APOBEC2: variants seen among roughly 807,000 people sequenced by gnomAD.
APOBEC2 encodes the protein C->U-editing enzyme APOBEC-2.
APOBEC2 carries 14 observed loss-of-function variants against 19.4 expected under a neutral mutation model. That is an observed-to-expected ratio of 0.72 (90% CI 0.48 to 1.13). The LOEUF is 1.13. Among genes scored for constraint, APOBEC2 ranks in the 50% most tolerant of loss-of-function variants. APOBEC2 has a pLI of 0.00. For missense variants in APOBEC2, 304 were observed against 277.0 expected, an observed-to-expected ratio of 1.10 and a Z score of -0.69; for synonymous variants, 127 against 112.1, an observed-to-expected ratio of 1.13 and a Z score of -0.84.
intron 1 of APOBEC2, among the ~76,000 whole-genome samples, chr6:41,058,721 T>C (rs1317196641): frequency 1.3e-5 from 2 of 152,184 alleles, no homozygotes; most frequent in East Asian, 1.9e-4. Flanking sequence ...GACGTAGCTA[T>C]TTCGGTCTGT....
At chr6:41,058,292 A>C (rs948806396) in intron 1 of APOBEC2, among the ~76,000 whole-genome samples, 15 of 148,490 alleles carry the variant, frequency 1.0e-4, no homozygotes, top group East Asian at 2.0e-4. Flanking sequence ...ACACCCACAC[A>C]CACACACACA....
rs2114033443 is a variant in APOBEC2, at chr6:41,064,175, T to C, written c.*96T>C. ...GACATGCCTGTCTTCCTAATACCATTTGGAGCTGGACAACATTTGACACCA... is the reference window on the plus strand; with the variant it reads ...GACATGCCTGTCTTCCTAATACCATCTGGAGCTGGACAACATTTGACACCA... On this transcript the variant is annotated 3_prime_UTR_variant, in exon 3 of 3. Coordinates refer to ENST00000244669, the MANE Select transcript of APOBEC2 (RefSeq NM_006789.4). The C allele has an allele frequency of 6.6e-6, 1 of 152,618 alleles. No individual in the cohort carries two copies. Among genetic ancestry groups the C allele is most frequent in the Admixed American group, 6.5e-5 (1 of 15,278 alleles). The allele number at this position is 152,618 out of a possible 1,614,324, so 9.5% of individuals were successfully genotyped here. A position where few individuals can be genotyped will look rare whatever the true frequency, so the allele number is the denominator to read the frequency against.
intron 1 of APOBEC2, among the ~76,000 whole-genome samples, chr6:41,059,982 C>T (rs1476794776): frequency 6.6e-6 from 1 of 152,176 alleles, no homozygotes; most frequent in Non-Finnish European, 1.5e-5. Context: ...CTCATCTCCT[C>T]CTCTCTTGAC....
In APOBEC2 at chr6:41,053,491, T is replaced by C. The variant is rs377169291; in HGVS notation, c.131+13T>C. 3.3e-5 allele frequency: 53 copies of C among 1,613,980 alleles called. No homozygotes were observed. The highest frequency in any genetic ancestry group is 5.0e-5 in the Admixed American group (3 of 60,014). ...AGATTGTCACAGGGTAAGCCTCAGATGTGGGTCAGGGTTCTGCTCCCTAGA... is the reference window on the plus strand; with the variant it reads ...AGATTGTCACAGGGTAAGCCTCAGACGTGGGTCAGGGTTCTGCTCCCTAGA... On this transcript the variant is annotated intron_variant, in intron 1 of 2. Transcript: ENST00000244669.
At chr6:41,054,145 G>C (rs1740534821) in intron 1 of APOBEC2, among the ~76,000 whole-genome samples, 1 of 152,340 alleles carries the variant, frequency 6.6e-6, no homozygotes, top group South Asian at 2.1e-4. Context: ...TGGAGGAACT[G>C]GGACCCAAAG....
At chr6:41,058,473 G>A (rs1762830758) in intron 1 of APOBEC2, among the ~76,000 whole-genome samples, 3 of 151,904 alleles carry the variant, frequency 2.0e-5, no homozygotes, top group African/African-American at 7.3e-5. Flanking sequence ...AATATTTTCT[G>A]GGTTAAATGT....
At chr6:41,058,697 T>A (rs1372129181) in intron 1 of APOBEC2, among the ~76,000 whole-genome samples, 1 of 152,196 alleles carries the variant, frequency 6.6e-6, no homozygotes, top group Admixed American at 6.5e-5. Context: ...TCTGTTCTCC[T>A]GGTTTCCCCC....
chr6:41,056,742 T>C (rs997571333), intron 1 of APOBEC2, among the ~76,000 whole-genome samples: 2 of 152,264 alleles, frequency 1.3e-5, no homozygotes, highest in Non-Finnish European at 2.9e-5. Flanking sequence ...ACTCAATACG[T>C]ATTTGTTGAA....
chr6:41,060,708 G>A (rs1171817222), intron 1 of APOBEC2, among the ~76,000 whole-genome samples: 2 of 152,230 alleles, frequency 1.3e-5, no homozygotes, highest in Admixed American at 6.5e-5. Context: ...TTGAGAAGTA[G>A]TCACTTGAGA....
At position 41,064,229 on chromosome 6, in the gene APOBEC2, G is replaced by A. The variant is rs1469079281; in HGVS notation, c.*150G>A. On this transcript the variant is annotated 3_prime_UTR_variant, in exon 3 of 3. Transcript: ENST00000244669. ...AATCATACTGGACAAGGCCCTTAGA[G>A]GACTTGAAATATACTTCTCATGCTG... The A allele has an allele frequency of 6.6e-6, 1 of 152,460 alleles. No homozygotes were observed. Among genetic ancestry groups the A allele is most frequent in the African/African-American group, 2.4e-5 (1 of 41,362 alleles). 9.4% of individuals were successfully genotyped at this position (152,460 alleles called of 1,614,324 possible). A position where few individuals can be genotyped will look rare whatever the true frequency, so the allele number is the denominator to read the frequency against.
At chr6:41,061,946 A>C (rs576979740) in intron 2 of APOBEC2, 54 bp downstream of exon 2, 66 of 1,472,934 alleles carry the variant, frequency 4.5e-5, no homozygotes, top group Middle Eastern at 2.4e-4. Context: ...ACTCCAGTAG[A>C]AGGTGTGAGG....
At chr6:41,064,051 G>C (rs540251787) in intron 2 of APOBEC2, 50 bp from the exon 3 acceptor site, 1 of 152,386 alleles carries the variant, frequency 6.6e-6, no homozygotes, top group Non-Finnish European at 1.5e-5. Flanking sequence ...GTCATTGTTC[G>C]GGGCCAGCAG....
At chr6:41,056,473 C>T (rs952003812) in intron 1 of APOBEC2, among the ~76,000 whole-genome samples, 1 of 152,206 alleles carries the variant, frequency 6.6e-6, no homozygotes, top group Admixed American at 6.5e-5. Context: ...ATTACTCACT[C>T]TTTCAGGTGA....
chr6:41,057,950 G>C (rs1762815554), intron 1 of APOBEC2, among the ~76,000 whole-genome samples: 1 of 152,056 alleles, frequency 6.6e-6, no homozygotes, highest in Non-Finnish European at 1.5e-5. Flanking sequence ...CAGTAGCCTG[G>C]GTCTAAGCAG....
At chr6:41,053,618 G>A (rs949084677) in intron 1 of APOBEC2, 140 bp downstream of exon 1, 49 of 1,323,200 alleles carry the variant, frequency 3.7e-5, no homozygotes, top group Non-Finnish European at 5.0e-5. Context: ...AGTGGGCCCG[G>A]CAGGGGTGGT....
At chr6:41,058,570 T>C (rs544901620) in intron 1 of APOBEC2, among the ~76,000 whole-genome samples, 1 of 152,322 alleles carries the variant, frequency 6.6e-6, no homozygotes, top group Admixed American at 6.5e-5. Flanking sequence ...TAGGTGTCAT[T>C]ATTTCCTTCC....
intron 1 of APOBEC2, among the ~76,000 whole-genome samples, 161 bp from the exon 2 acceptor site, chr6:41,061,156 CTTTTTTTTTTT>C (rs35586672): frequency 0.033 from 3,506 of 105,724 alleles, 54 homozygotes; most frequent in Middle Eastern, 0.062. Flanking sequence ...TTTTTTAATG[CTTTTTTTTTTT>C]TTTTTTTTTT....
At chr6:41,062,685 G>T (rs370516891) in intron 2 of APOBEC2, among the ~76,000 whole-genome samples, 2 of 152,336 alleles carry the variant, frequency 1.3e-5, no homozygotes, top group Non-Finnish European at 1.5e-5. Context: ...ATATCAAGAG[G>T]TGATAGGAGA....
At chr6:41,062,324 T>C (rs1291119417) in intron 2 of APOBEC2, among the ~76,000 whole-genome samples, 4 of 152,254 alleles carry the variant, frequency 2.6e-5, no homozygotes, top group Non-Finnish European at 5.9e-5. Flanking sequence ...CTGGCAATCT[T>C]ACCATTCCAT....
Sources: allele counts gnomAD v4.1 joint callset (sites outside exome capture counted in the v4.1 genomes callset), GRCh38; gene constraint gnomAD v4.1.1; transcripts MANE v1.5; gene names NCBI Gene and HGNC (gene_info 2026-07-23, HGNC 2026-07-21).